GRIK1: variants seen among roughly 807,000 people sequenced by gnomAD.
GRIK1 encodes the protein glutamate ionotropic receptor kainate type subunit 1.
In GRIK1, 69 loss-of-function variants were observed where a neutral mutation model predicts 105.7. That is an observed-to-expected ratio of 0.65 (90% CI 0.54 to 0.80). The LOEUF is 0.80. Among genes scored for constraint, GRIK1 ranks in the 30% least tolerant of loss-of-function variants. The pLI, the probability that GRIK1 is intolerant of heterozygous loss-of-function variation, is 0.00. For synonymous variants in GRIK1, 438 were observed against 431.3 expected (o/e 1.02, Z -0.19); for missense variants, 1,109 against 1,167.3 (o/e 0.95, Z 0.73).
intron 16 of GRIK1, among the ~76,000 whole-genome samples, chr21:29,549,801 T>C (rs540180644): frequency 2.6e-5 from 4 of 152,054 alleles, no homozygotes; most frequent in East Asian, 1.9e-4. Flanking sequence ...AGAATCAGTA[T>C]AAAGGGAGAA....
chr21:29,566,666 C>A (rs886929841), intron 14 of GRIK1, among the ~76,000 whole-genome samples: 3 of 150,898 alleles, frequency 2.0e-5, no homozygotes, highest in Non-Finnish European at 2.9e-5. Context: ...TAACAGCAAC[C>A]AACATATGCA....
intron 7 of GRIK1, among the ~76,000 whole-genome samples, chr21:29,604,069 G>A (rs1053401185): frequency 2.6e-5 from 4 of 152,128 alleles, no homozygotes; most frequent in Admixed American, 6.5e-5. Flanking sequence ...GGCTTATAGC[G>A]GGGTCTTAAA....
chr21:29,607,162 T>G (rs2046823684), intron 7 of GRIK1, among the ~76,000 whole-genome samples: 1 of 152,188 alleles, frequency 6.6e-6, no homozygotes, highest in South Asian at 2.1e-4. Flanking sequence ...TCTCATCATA[T>G]GGTGATCTAT....
At chr21:29,550,218 A>AGTTGATC (rs2090111648) in intron 16 of GRIK1, among the ~76,000 whole-genome samples, 1 of 150,506 alleles carries the variant, frequency 6.6e-6, no homozygotes, top group Non-Finnish European at 1.5e-5. Context: ...GATAATTCTG[A>AGTTGATC]GTTGATCTAG....
intron 1 of GRIK1, among the ~76,000 whole-genome samples, chr21:29,819,511 T>C (rs1157781330): frequency 2.0e-5 from 3 of 152,058 alleles, no homozygotes; most frequent in Non-Finnish European, 4.4e-5. Flanking sequence ...GAAAGAGACT[T>C]TAGATTTTCT....
intron 6 of GRIK1, among the ~76,000 whole-genome samples, chr21:29,646,040 T>G (rs1601360051): frequency 6.6e-6 from 1 of 152,330 alleles, no homozygotes; most frequent in East Asian, 1.9e-4. Flanking sequence ...GAGATAACTT[T>G]TAACTCCTTG....
intron 1 of GRIK1, among the ~76,000 whole-genome samples, chr21:29,922,015 G>A (rs1281249897): frequency 6.6e-6 from 1 of 152,116 alleles, no homozygotes; most frequent in African/African-American, 2.4e-5. Flanking sequence ...AAAGGTAGAT[G>A]AAAGAAAGGA....
intron 4 of GRIK1, among the ~76,000 whole-genome samples, chr21:29,663,682 T>C (rs2063009153): frequency 6.6e-6 from 1 of 152,200 alleles, no homozygotes; most frequent in Non-Finnish European, 1.5e-5. Flanking sequence ...ATAGATATTT[T>C]TGCAATACAT....
intron 14 of GRIK1, among the ~76,000 whole-genome samples, chr21:29,576,478 TCTAA>T (rs1056773549): frequency 4.6e-5 from 7 of 152,208 alleles, no homozygotes; most frequent in East Asian, 1.9e-4. Context: ...TTCTTAATTC[TCTAA>T]CTAAATTCCA....
intron 7 of GRIK1, among the ~76,000 whole-genome samples, chr21:29,600,503 T>A (rs539917581): frequency 3.1e-4 from 47 of 152,340 alleles, no homozygotes; most frequent in South Asian, 6.2e-4. Flanking sequence ...AAAACTCAGA[T>A]CTTTGTATCC....
chr21:29,742,014 G>A (rs2300319), intron 1 of GRIK1, among the ~76,000 whole-genome samples: 5,576 of 152,240 alleles, frequency 0.037, 240 homozygotes, highest in East Asian at 0.1. Flanking sequence ...CTCATTTACA[G>A]TGATACATCA....
At chr21:29,814,076 G>A in intron 1 of GRIK1, among the ~76,000 whole-genome samples, 1 of 146,882 alleles carries the variant, frequency 6.8e-6, no homozygotes, top group Non-Finnish European at 1.5e-5. Context: ...CACCACACCT[G>A]GCTAATATAT....
chr21:29,799,617 C>T (rs1219364201), intron 1 of GRIK1, among the ~76,000 whole-genome samples: 1 of 152,228 alleles, frequency 6.6e-6, no homozygotes, highest in East Asian at 1.9e-4. Flanking sequence ...GCAACCTCTG[C>T]CTCCTGGGTT....
intron 3 of GRIK1, among the ~76,000 whole-genome samples, chr21:29,686,233 C>G (rs2063484499): frequency 6.6e-6 from 1 of 152,158 alleles, no homozygotes; most frequent in Non-Finnish European, 1.5e-5. Context: ...GTTAACCTGT[C>G]TTTTGTTATA....
chr21:29,538,208 C>T (rs1489592968), intron 16 of GRIK1, among the ~76,000 whole-genome samples: 4 of 152,072 alleles, frequency 2.6e-5, no homozygotes, highest in Admixed American at 6.6e-5. Flanking sequence ...GTGAAAAATT[C>T]CTGCTCAGAG....
At chr21:29,893,494 A>G (rs1238945933) in intron 1 of GRIK1, among the ~76,000 whole-genome samples, 1 of 152,204 alleles carries the variant, frequency 6.6e-6, no homozygotes, top group Non-Finnish European at 1.5e-5. Context: ...TCTGTGCCTC[A>G]GTTCCTTCTT....
intron 1 of GRIK1, among the ~76,000 whole-genome samples, chr21:29,874,534 C>A (rs2069125774): frequency 6.6e-6 from 1 of 152,200 alleles, no homozygotes; most frequent in African/African-American, 2.4e-5. Context: ...GATGAAGCTT[C>A]ATTTGTTCGT....
chr21:29,904,823 A>T (rs1293332227), intron 1 of GRIK1, among the ~76,000 whole-genome samples: 1 of 152,162 alleles, frequency 6.6e-6, no homozygotes, highest in African/African-American at 2.4e-5. Context: ...AACACTTCTC[A>T]GTGGAGTCCT....
intron 1 of GRIK1, among the ~76,000 whole-genome samples, chr21:29,836,524 A>C (rs1352248917): frequency 6.6e-6 from 1 of 152,176 alleles, no homozygotes; most frequent in Non-Finnish European, 1.5e-5. Context: ...TACTAAATAA[A>C]TTTTCTGCTA....
Sources: allele counts gnomAD v4.1 joint callset (sites outside exome capture counted in the v4.1 genomes callset), GRCh38; gene constraint gnomAD v4.1.1; transcripts MANE v1.5; gene names NCBI Gene and HGNC (gene_info 2026-07-23, HGNC 2026-07-21).